The following IGSF21 variants were observed in gnomAD, a reference collection of about 807,000 sequenced individuals.
The protein encoded by IGSF21 is immunoglobulin superfamily member 21.
In IGSF21, 28 loss-of-function variants were observed where a neutral mutation model predicts 46.8. That is an observed-to-expected ratio of 0.60 (90% CI 0.44 to 0.82). The LOEUF is 0.82. IGSF21 is among the 40% of genes least tolerant of loss of function. The pLI is 0.00. For synonymous variants in IGSF21, 284 were observed against 273.6 expected (o/e 1.04, Z -0.38); for missense variants, 624 against 665.5 (o/e 0.94, Z 0.69).
Position 18,335,006 on chromosome 1 carries a change from C to A in IGSF21, c.420C>A (p.Val140=). 1.2e-6 allele frequency: 2 copies of A among 1,612,106 alleles called. No homozygotes were observed. Among genetic ancestry groups the A allele is most frequent in the Non-Finnish European group, 1.7e-6 (2 of 1,178,098 alleles). Residue 140 remains valine (V), a synonymous_variant, in exon 4 of 10, where the codon GTC becomes GTA. Coordinates refer to ENST00000251296, the MANE Select transcript of IGSF21 (RefSeq NM_032880.5). The surrounding 1 kb of genome is among the most constrained non-coding windows in gnomAD (Gnocchi z 4.8). The part of the protein sequence containing the change: ...VLASGNIFLN[V]MAPPTSIEVV... ...CATCAGGCAACATCTTCCTCAACGT[C>A]ATGGGTGAGTGCAGGGCCACTGGCC...
chr1:18,139,409 A>C (rs1297270339), intron 1 of IGSF21, among the ~76,000 whole-genome samples: 2 of 152,130 alleles, frequency 1.3e-5, no homozygotes, highest in Non-Finnish European at 2.9e-5. Context: ...CCCCTGCTGG[A>C]AGATCGTGCA....
intron 1 of IGSF21, among the ~76,000 whole-genome samples, chr1:18,174,116 T>A (rs377046419): frequency 1.1e-4 from 16 of 152,298 alleles, no homozygotes; most frequent in East Asian, 7.7e-4. Context: ...ACCTCATGTG[T>A]TCTGTGGCTT....
At chr1:18,130,754 A>T (rs1445155379) in intron 1 of IGSF21, among the ~76,000 whole-genome samples, 1 of 152,204 alleles carries the variant, frequency 6.6e-6, no homozygotes, top group African/African-American at 2.4e-5. Flanking sequence ...GAGAAAAAAA[A>T]TGTTACCTGA....
intron 2 of IGSF21, among the ~76,000 whole-genome samples, chr1:18,232,209 C>CTTTTTTTTTTTTTTTTTTTTTTTTATT (rs55775011): frequency 9.5e-6 from 1 of 105,010 alleles, no homozygotes; most frequent in Non-Finnish European, 1.9e-5. Context: ...CTCCAGACAG[C>CTTTTTTTTTTTTTTTTTTTTTTTTATT]TTTTTTTTGG....
At chr1:18,257,550 A>G (rs915109776) in intron 2 of IGSF21, among the ~76,000 whole-genome samples, 3 of 152,232 alleles carry the variant, frequency 2.0e-5, no homozygotes, top group East Asian at 1.9e-4. Context: ...TGGAGTGGAA[A>G]CTAGAGCTGC....
chr1:18,129,994 A>G (rs2086304123), intron 1 of IGSF21, among the ~76,000 whole-genome samples: 1 of 152,194 alleles, frequency 6.6e-6, no homozygotes, highest in East Asian at 1.9e-4. Flanking sequence ...TCTGTTCATT[A>G]TAAATTACCC....
At chr1:18,150,674 G>T (rs907638010) in intron 1 of IGSF21, among the ~76,000 whole-genome samples, 1 of 152,172 alleles carries the variant, frequency 6.6e-6, no homozygotes, top group African/African-American at 2.4e-5. Flanking sequence ...TTCCAGAGGG[G>T]ACTCAATCCA....
At position 18,108,125 on chromosome 1, in the gene IGSF21, C is replaced by A; in HGVS notation, c.-4C>A. The A allele has an allele frequency of 1.5e-6, 2 of 1,375,862 alleles. No individual in the cohort carries two copies. Among genetic ancestry groups the A allele is most frequent in the South Asian group, 2.8e-5 (2 of 71,026 alleles). 85.2% of individuals were successfully genotyped at this position (1,375,862 alleles called of 1,614,324 possible). On this transcript the variant is annotated 5_prime_UTR_variant, in exon 1 of 10. Transcript: ENST00000251296. The stretch of plus-strand genomic sequence containing the variant: ...CCCGCCACCGCCGCCAGCTCCCGGG[C>A]ACCATGCGAACCGCCCCGAGCCTCC...
intron 2 of IGSF21, among the ~76,000 whole-genome samples, chr1:18,245,911 T>C (rs1201304159): frequency 6.6e-6 from 1 of 152,084 alleles, no homozygotes; most frequent in Non-Finnish European, 1.5e-5. Flanking sequence ...GACCGATGAC[T>C]CTCCCCTTCA....
At chr1:18,342,895 C>T (rs549589146) in intron 4 of IGSF21, among the ~76,000 whole-genome samples, 3 of 152,302 alleles carry the variant, frequency 2.0e-5, no homozygotes, top group African/African-American at 7.2e-5. Context: ...CTGCTATAAA[C>T]ATTCACGTGC....
At chr1:18,160,642 G>A (rs551444744) in intron 1 of IGSF21, among the ~76,000 whole-genome samples, 12 of 152,168 alleles carry the variant, frequency 7.9e-5, no homozygotes, top group African/African-American at 2.4e-4. Context: ...CTCAGAGCGT[G>A]CTCATTCGGT....
chr1:18,294,043 C>A (rs530932750), intron 3 of IGSF21, among the ~76,000 whole-genome samples: 1 of 152,184 alleles, frequency 6.6e-6, no homozygotes, highest in Non-Finnish European at 1.5e-5. Flanking sequence ...TCAGGTCCTT[C>A]GCCTGTAGAG....
chr1:18,319,864 C>A (rs919670912), intron 3 of IGSF21, among the ~76,000 whole-genome samples: 16 of 152,162 alleles, frequency 1.1e-4, no homozygotes, highest in Admixed American at 3.3e-4. Context: ...TAATCACCGA[C>A]CTGCTATATT....
At chr1:18,301,893 G>A (rs917599529) in intron 3 of IGSF21, among the ~76,000 whole-genome samples, 3 of 152,192 alleles carry the variant, frequency 2.0e-5, no homozygotes, top group Non-Finnish European at 4.4e-5. Context: ...CTCTGGGAGA[G>A]GGACCTGGGA....
At chr1:18,296,335 T>C (rs2085312134) in intron 3 of IGSF21, among the ~76,000 whole-genome samples, 1 of 152,178 alleles carries the variant, frequency 6.6e-6, no homozygotes. Context: ...ACAAGTCTAG[T>C]TTGTATACGT....
intron 1 of IGSF21, among the ~76,000 whole-genome samples, chr1:18,197,626 G>T (rs868784891): frequency 6.6e-6 from 1 of 152,212 alleles, no homozygotes. Context: ...GCAGACGTTG[G>T]AATGCTCCAG....
intron 1 of IGSF21, among the ~76,000 whole-genome samples, chr1:18,199,786 A>G (rs377552738): frequency 2.2e-4 from 34 of 152,100 alleles, no homozygotes; most frequent in East Asian, 1.3e-3. Flanking sequence ...AGCTGGGAAC[A>G]CATGTTAACA....
chr1:18,293,595 C>G (rs2085287393), intron 3 of IGSF21, among the ~76,000 whole-genome samples: 1 of 152,080 alleles, frequency 6.6e-6, no homozygotes, highest in African/African-American at 2.4e-5. Flanking sequence ...ATTATGGTGC[C>G]TTAAAATATT....
chr1:18,175,924 C>T (rs1427188998), intron 1 of IGSF21, among the ~76,000 whole-genome samples: 2 of 152,240 alleles, frequency 1.3e-5, no homozygotes, highest in South Asian at 4.1e-4. Context: ...GTTCCCTGCT[C>T]CTGGCAGTAG....
Sources: gnomAD v4.1 joint callset for allele counts (sites outside exome capture counted in the v4.1 genomes callset) on GRCh38, gnomAD v4.1.1 for gene constraint, Gnocchi (gnomAD v3.1) non-coding constraint, MANE v1.5 for transcripts, NCBI Gene and HGNC (gene_info 2026-07-23, HGNC 2026-07-21) for gene names.